Variants in OSGEPL1 observed in about 807,000 individuals in gnomAD.
The protein encoded by OSGEPL1 is tRNA N6-adenosine threonylcarbamoyltransferase, mitochondrial.
OSGEPL1 carries 26 observed loss-of-function variants against 37.2 expected under a neutral mutation model. That is an observed-to-expected ratio of 0.70 (90% CI 0.51 to 0.97). The LOEUF (loss-of-function observed/expected upper bound fraction) is 0.97, where lower values mean the gene tolerates loss of function less well. Among genes scored for constraint, OSGEPL1 ranks in the 50% least tolerant of loss-of-function variants. The probability of loss-of-function intolerance (pLI) is 0.00; values close to 1 mark genes in which losing one functional copy is unlikely to be tolerated. For missense variants in OSGEPL1, 404 were observed against 487.0 expected, an observed-to-expected ratio of 0.83 and a Z score of 1.60; for synonymous variants, 140 against 159.9, an observed-to-expected ratio of 0.88 and a Z score of 0.94.
intron 2 of OSGEPL1, among the ~76,000 whole-genome samples, chr2:189,758,410 CACCCCCCCTCTCTCGG>C (rs1298507694): frequency 2.2e-4 from 34 of 151,858 alleles, no homozygotes; most frequent in African/African-American, 7.7e-4. Flanking sequence ...TGTAGCACCT[CACCCCCCCTCTCTCGG>C]TCCTGCTCCT....
chr2:189,749,023 G>A (rs1293695428), intron 8 of OSGEPL1, among the ~76,000 whole-genome samples: 1 of 151,974 alleles, frequency 6.6e-6, no homozygotes, highest in Non-Finnish European at 1.5e-5. Flanking sequence ...AAGGCGGGTG[G>A]ATCACATGGT....
rs559719480 is a variant in OSGEPL1, at chr2:189,762,022, AAAC to A, written c.-20-365_-20-363del. ...AAATGTGGATTTTCTAAAAAGAATC[AAAC>A]AACAAAGGCAGATGGAACAGATAAA... On this transcript the variant is annotated intron_variant, in intron 1 of 8. Transcript: ENST00000264151. 1.5e-4 allele frequency among the ~76,000 whole-genome samples: 23 copies of A among 152,330 alleles called. No homozygotes were observed. The East Asian group carries it at 3.1e-3, about 20-fold the overall frequency.
chr2:189,746,721 T>G lies in OSGEPL1; in HGVS notation c.*476A>C. The G allele has an allele frequency of 7.7e-7, 1 of 1,302,678 alleles. No homozygotes were observed. Among genetic ancestry groups the G allele is most frequent in the Non-Finnish European group, 1.0e-6 (1 of 981,338 alleles). The allele number at this position is 1,302,678 out of a possible 1,614,324, so 80.7% of individuals were successfully genotyped here. A position where few individuals can be genotyped will look rare whatever the true frequency, so the allele number is the denominator to read the frequency against. On this transcript the variant is annotated 3_prime_UTR_variant, in exon 9 of 9. Transcript: ENST00000264151. ...ATATGCAAATAACATAACTGAATAA[T>G]CTTTTTGAATGAAAGTTCTTGATCT...
chr2:189,749,195 G>A lies in OSGEPL1; in HGVS notation c.*28+1355C>T, dbSNP rs555796012. On this transcript the variant is annotated intron_variant, in intron 8 of 8. Coordinates refer to ENST00000264151, the MANE Select transcript of OSGEPL1 (RefSeq NM_022353.3). ...TGGCAGACGGAGGTTGCAGTGAGCC[G>A]AGATCGAGCCATTGCACTCCAGTCT... Among the ~76,000 whole-genome samples, 28 of 140,632 alleles carry A rather than the reference G, an allele frequency of 2.0e-4. No individual in the cohort carries two copies. In the South Asian group the frequency reaches 3.4e-3, roughly 17 times the overall value. The allele number at this position is 140,632 out of a possible 152,430, so 92.3% of individuals were successfully genotyped here. A position where few individuals can be genotyped will look rare whatever the true frequency, so the allele number is the denominator to read the frequency against.
At chr2:189,750,435 G>T in intron 8 of OSGEPL1, 115 bp downstream of exon 8, 1 of 491,892 alleles carries the variant, frequency 2.0e-6, no homozygotes, top group South Asian at 3.0e-5. Flanking sequence ...CAGAAGAGCA[G>T]GTAAAACATC....
intron 2 of OSGEPL1, among the ~76,000 whole-genome samples, chr2:189,758,366 A>C (rs995962175): frequency 4.0e-5 from 6 of 151,770 alleles, no homozygotes; most frequent in African/African-American, 1.5e-4. Context: ...GGGCAACAAG[A>C]GCAAAACTCC....
intron 8 of OSGEPL1, among the ~76,000 whole-genome samples, chr2:189,749,049 A>G (rs2044633777): frequency 6.6e-6 from 1 of 152,056 alleles, no homozygotes; most frequent in South Asian, 2.1e-4. Context: ...GTTCGAGACC[A>G]GCCTAGCCAG....
intron 3 of OSGEPL1, 126 bp downstream of exon 3, chr2:189,755,047 A>C (rs916434672): frequency 3.7e-5 from 42 of 1,147,446 alleles, no homozygotes; most frequent in Non-Finnish European, 4.8e-5. Context: ...ACCATATGTG[A>C]ATTTTTTTCA....
chr2:189,757,178 CT>C (rs1264113471), intron 2 of OSGEPL1, among the ~76,000 whole-genome samples: 2 of 152,128 alleles, frequency 1.3e-5, no homozygotes, highest in Admixed American at 6.5e-5. Flanking sequence ...AGCCAAGAGT[CT>C]GTGCAAAAGA....
chr2:189,750,117 A>AT (rs1426484031), intron 8 of OSGEPL1, among the ~76,000 whole-genome samples: 1 of 152,118 alleles, frequency 6.6e-6, no homozygotes, highest in African/African-American at 2.4e-5. Flanking sequence ...ACAGAGGGAG[A>AT]TTATCTCCAA....
Position 189,752,685 on chromosome 2 carries a change from T to TA in OSGEPL1, c.1133dup (p.Leu378PhefsTer3), listed in dbSNP as rs568165204. 6,388 of 1,613,920 alleles carry TA rather than the reference T, an allele frequency of 4.0e-3. 18 individuals are homozygous for TA. The highest frequency in any genetic ancestry group is 4.9e-3 in the Non-Finnish European group (5,742 of 1,179,880). ...CATAGCGGATGCCTTCTATGTCATGTAAAATGCCCAAGCCAGCACGTAGTC... is the reference window on the plus strand; with the variant it reads ...CATAGCGGATGCCTTCTATGTCATGTAAAAATGCCCAAGCCAGCACGTAGTC... On this transcript the variant is annotated frameshift_variant, in exon 7 of 9. Transcript: ENST00000264151. LOFTEE classifies it high-confidence loss of function.
In OSGEPL1 at chr2:189,750,575, A is replaced by T; in HGVS notation, c.*3T>A. On this transcript the variant is annotated 3_prime_UTR_variant, in exon 8 of 9. Transcript: ENST00000264151. The stretch of plus-strand genomic sequence containing the variant: ...CTTTAGGGACTTTTTTGAACAGCAG[A>T]AATCATATCTCCATTTTTAATTGTG... 1 of 1,530,992 alleles carries T rather than the reference A, an allele frequency of 6.5e-7. No individual in the cohort carries two copies. Among genetic ancestry groups the T allele is most frequent in the Non-Finnish European group, 8.9e-7 (1 of 1,117,352 alleles). 94.8% of individuals were successfully genotyped at this position (1,530,992 alleles called of 1,614,324 possible). A position where few individuals can be genotyped will look rare whatever the true frequency, so the allele number is the denominator to read the frequency against.
upstream of OSGEPL1, chr2:189,763,001 G>C (rs570787910): frequency 2.0e-6 from 2 of 985,332 alleles, no homozygotes; most frequent in East Asian, 1.1e-4. Flanking sequence ...AGGTTTGTCT[G>C]ACTACACAAC....
intron 2 of OSGEPL1, among the ~76,000 whole-genome samples, chr2:189,760,174 T>C (rs549654553): frequency 9.5e-4 from 145 of 152,324 alleles, no homozygotes; most frequent in African/African-American, 3.3e-3. Flanking sequence ...ACAGACATAT[T>C]AACAATCTGA....
chr2:189,761,782 C>A, intron 1 of OSGEPL1, 122 bp from the exon 2 acceptor site: 1 of 955,412 alleles, frequency 1.0e-6, no homozygotes, highest in Non-Finnish European at 1.5e-6. Context: ...TTTGTAAAGG[C>A]TATAGCAACA....
rs116654987 is a variant in OSGEPL1 at position 189,756,499 on chromosome 2, A to G, written c.222-939T>C. Among the ~76,000 whole-genome samples, 1,160 of 152,340 alleles carry G rather than the reference A, an allele frequency of 7.6e-3. 12 individuals are homozygous for G. The highest frequency in any genetic ancestry group is 0.031 in the Middle Eastern group (9 of 294). On this transcript the variant is annotated intron_variant, in intron 2 of 8. Transcript: ENST00000264151. ...AATCCTCAGTAAGTGCATTCAATGA[A>G]TATTTGCTGAGTAATTAAAATATTG...
intron 7 of OSGEPL1, among the ~76,000 whole-genome samples, chr2:189,751,346 G>C (rs990430399): frequency 1.3e-5 from 2 of 152,010 alleles, no homozygotes; most frequent in Non-Finnish European, 2.9e-5. Flanking sequence ...GATGCCTTCC[G>C]GTACTACTAA....
rs1440462619 is a variant in OSGEPL1 at position 189,762,728 on chromosome 2, A to G, written c.-64T>C. ...TAGCTAGCACTTGTCTCCTTTCCCT[A>G]CTAAAGACTGTCGACTGCCCTTATC... On this transcript the variant is annotated 5_prime_UTR_variant, in exon 1 of 9. Transcript: ENST00000264151. 6.1e-6 allele frequency: 6 copies of G among 985,276 alleles called. No homozygotes were observed. Among genetic ancestry groups the G allele is most frequent in the African/African-American group, 1.7e-5 (1 of 57,202 alleles). The allele number at this position is 985,276 out of a possible 1,614,324, so 61.0% of individuals were successfully genotyped here. A position where few individuals can be genotyped will look rare whatever the true frequency, so the allele number is the denominator to read the frequency against.
chr2:189,752,156 G>A (rs571296020), intron 7 of OSGEPL1, among the ~76,000 whole-genome samples: 35 of 151,772 alleles, frequency 2.3e-4, no homozygotes, highest in African/African-American at 8.4e-4. Context: ...AAGAAAAAAA[G>A]TAAAGAAAAA....
Sources: allele counts gnomAD v4.1 joint callset (sites outside exome capture counted in the v4.1 genomes callset), GRCh38; gene constraint gnomAD v4.1.1; transcripts MANE v1.5; gene names NCBI Gene and HGNC (gene_info 2026-07-23, HGNC 2026-07-21).